The following LEF1 variants were observed in gnomAD, a reference collection of about 807,000 sequenced individuals.
LEF1 encodes lymphoid enhancer binding factor 1.
LEF1 carries 14 observed loss-of-function variants against 51.2 expected under a neutral mutation model. That is an observed-to-expected ratio of 0.27 (90% CI 0.18 to 0.43). LEF1 has a LOEUF of 0.43. LEF1 is among the 20% of genes least tolerant of loss of function. The pLI is 1.00. For synonymous variants in LEF1, 185 were observed against 183.2 expected (o/e 1.01, Z -0.08); for missense variants, 386 against 512.0 (o/e 0.75, Z 2.37).
intron 3 of LEF1, among the ~76,000 whole-genome samples, chr4:108,161,080 T>C (rs79551911): frequency 0.012 from 1,895 of 152,272 alleles, 41 homozygotes; most frequent in African/African-American, 0.042. Flanking sequence ...CTGTGGATGT[T>C]AGTGACACAA....
At chr4:108,090,648 G>A (rs1739961268) in intron 3 of LEF1, among the ~76,000 whole-genome samples, 1 of 152,160 alleles carries the variant, frequency 6.6e-6, no homozygotes, top group Admixed American at 6.5e-5. Context: ...AAGGTGGAAT[G>A]ATCAAGTTAG....
chr4:108,094,649 T>A (rs533553312), intron 3 of LEF1, among the ~76,000 whole-genome samples: 1 of 152,266 alleles, frequency 6.6e-6, no homozygotes, highest in South Asian at 2.1e-4. Flanking sequence ...ATTTTCCACA[T>A]CTCCAGGTTC....
intron 3 of LEF1, among the ~76,000 whole-genome samples, chr4:108,155,885 T>A (rs1386686914): frequency 1.3e-5 from 2 of 152,202 alleles, no homozygotes; most frequent in African/African-American, 4.8e-5. Flanking sequence ...TCAAAAATTT[T>A]GTTCACCACA....
At chr4:108,119,727 C>T (rs947003153) in intron 3 of LEF1, among the ~76,000 whole-genome samples, 2 of 152,022 alleles carry the variant, frequency 1.3e-5, no homozygotes, top group Admixed American at 6.6e-5. Flanking sequence ...TCCTATAAGG[C>T]GGCCTAAAAG....
At chr4:108,095,644 T>G (rs1389399999) in intron 3 of LEF1, among the ~76,000 whole-genome samples, 1 of 152,196 alleles carries the variant, frequency 6.6e-6, no homozygotes, top group African/African-American at 2.4e-5. Context: ...TACAACAGAA[T>G]GCTGGAAGGG....
Position 108,089,338 on chromosome 4 carries a change from C to T in LEF1, c.415-81G>A. On this transcript the variant is annotated intron_variant, in intron 3 of 11. Coordinates refer to ENST00000265165, the MANE Select transcript of LEF1 (RefSeq NM_016269.5). ...CTCCCAAAGAAAAAAATTCACACAG[C>T]AGCAGTAACCAGTCATCAACATAAC... 2.8e-6 allele frequency: 4 copies of T among 1,414,590 alleles called. No homozygotes were observed. In the Admixed American group the frequency reaches 6.3e-5, roughly 22 times the overall value. The allele number at this position is 1,414,590 out of a possible 1,614,324, so 87.6% of individuals were successfully genotyped here.
chr4:108,063,718 C>T lies in LEF1; in HGVS notation c.1166-55G>A, dbSNP rs1348751485. On this transcript the variant is annotated intron_variant, in intron 10 of 11. Coordinates refer to ENST00000265165, the MANE Select transcript of LEF1 (RefSeq NM_016269.5). The stretch of plus-strand genomic sequence containing the variant: ...TTATTGAAGAGGTTTTTGTACATTC[C>T]AAATACGTAGTAGCTACAATATCAT... 14 of 1,158,700 alleles carry T rather than the reference C, an allele frequency of 1.2e-5. No homozygotes were observed. The East Asian group carries it at 3.4e-4, about 28-fold the overall frequency. 71.8% of individuals were successfully genotyped at this position (1,158,700 alleles called of 1,614,324 possible).
At chr4:108,076,029 AG>A (rs1738832796) in intron 8 of LEF1, among the ~76,000 whole-genome samples, 2 of 149,664 alleles carry the variant, frequency 1.3e-5, no homozygotes, top group Non-Finnish European at 3.0e-5. Flanking sequence ...AGCTCCCTAA[AG>A]AGCTAAACGC....
At chr4:108,072,649 G>A (rs1359143508) in intron 8 of LEF1, among the ~76,000 whole-genome samples, 1 of 152,180 alleles carries the variant, frequency 6.6e-6, no homozygotes, top group African/African-American at 2.4e-5. Flanking sequence ...GGAGGTGCCA[G>A]GAAAACAAAA....
In LEF1 at chr4:108,168,002, C is replaced by T. The variant is rs1578419574; in HGVS notation, c.-235G>A. On this transcript the variant is annotated 5_prime_UTR_variant, in exon 1 of 12. Transcript: ENST00000265165. This position sits in a 1 kb window ranked among gnomAD's most constrained non-coding sequence, Gnocchi z 4.6. ...CTTTCCCGCTTCGCGGAGACCGACGCAGGCGCCCGCCCCCGAGGCCGAAGG... is the reference window on the plus strand; with the variant it reads ...CTTTCCCGCTTCGCGGAGACCGACGTAGGCGCCCGCCCCCGAGGCCGAAGG... 2 of 193,276 alleles carry T rather than the reference C, an allele frequency of 1.0e-5. No individual in the cohort carries two copies. Among genetic ancestry groups the T allele is most frequent in the East Asian group, 2.8e-4 (2 of 7,162 alleles). The allele number at this position is 193,276 out of a possible 1,614,324, so 12.0% of individuals were successfully genotyped here.
At chr4:108,117,208 TC>T (rs1478930290) in intron 3 of LEF1, among the ~76,000 whole-genome samples, 1 of 152,192 alleles carries the variant, frequency 6.6e-6, no homozygotes, top group Non-Finnish European at 1.5e-5. Flanking sequence ...ATAAATTTCT[TC>T]CTAATTTTTC....
chr4:108,142,863 A>C (rs1743760068), intron 3 of LEF1, among the ~76,000 whole-genome samples: 1 of 152,264 alleles, frequency 6.6e-6, no homozygotes, highest in Admixed American at 6.5e-5. Context: ...TCTTAAGAGA[A>C]TTTATAAAAT....
At chr4:108,056,207 T>C (rs1190457809) in intron 11 of LEF1, among the ~76,000 whole-genome samples, 1 of 152,216 alleles carries the variant, frequency 6.6e-6, no homozygotes, top group Non-Finnish European at 1.5e-5. Flanking sequence ...ACATATAGCT[T>C]GAGTGCTCTA....
At chr4:108,070,617 C>G in intron 9 of LEF1, 46 bp downstream of exon 9, 2 of 1,256,316 alleles carry the variant, frequency 1.6e-6, no homozygotes, top group Non-Finnish European at 2.3e-6. Flanking sequence ...CGCAAAAGAG[C>G]GAATGAGTGA....
chr4:108,127,467 G>A (rs1428843673), intron 3 of LEF1, among the ~76,000 whole-genome samples: 1 of 152,094 alleles, frequency 6.6e-6, no homozygotes, highest in Non-Finnish European at 1.5e-5. Context: ...AGAAAGAAGT[G>A]GCAAGAAAAA....
chr4:108,078,113 G>T, intron 8 of LEF1, 107 bp downstream of exon 8: 1 of 995,814 alleles, frequency 1.0e-6, no homozygotes, highest in Non-Finnish European at 1.5e-6. Context: ...ATATCTTGAA[G>T]TGCAAACACA....
intron 3 of LEF1, among the ~76,000 whole-genome samples, chr4:108,132,051 G>T (rs951895990): frequency 2.0e-5 from 3 of 152,156 alleles, no homozygotes; most frequent in Non-Finnish European, 2.9e-5. Flanking sequence ...ACAGCTTCAG[G>T]AATCCAAAAT....
At chr4:108,065,234 C>A (rs1023551786) in intron 9 of LEF1, among the ~76,000 whole-genome samples, 1 of 152,194 alleles carries the variant, frequency 6.6e-6, no homozygotes, top group African/African-American at 2.4e-5. Flanking sequence ...CACCTGTAAT[C>A]CCGGCACTTC....
intron 3 of LEF1, among the ~76,000 whole-genome samples, chr4:108,112,213 A>T (rs1484451971): frequency 6.6e-6 from 1 of 152,004 alleles, no homozygotes; most frequent in Non-Finnish European, 1.5e-5. Flanking sequence ...CTGTCCTATG[A>T]GCTTATGATG....
Sources: gnomAD v4.1 joint callset for allele counts (sites outside exome capture counted in the v4.1 genomes callset) on GRCh38, gnomAD v4.1.1 for gene constraint, Gnocchi (gnomAD v3.1) non-coding constraint, MANE v1.5 for transcripts, NCBI Gene and HGNC (gene_info 2026-07-23, HGNC 2026-07-21) for gene names.